Variants in YAP1 observed in about 807,000 individuals in gnomAD.
YAP1 encodes transcriptional coactivator YAP1.
In YAP1, 5 loss-of-function variants were observed where a neutral mutation model predicts 56.9. The ratio of observed to expected loss-of-function variants is 0.09; its 90% CI spans 0.05 to 0.18. The LOEUF (loss-of-function observed/expected upper bound fraction) is 0.18, where lower values mean the gene tolerates loss of function less well. Ranked by LOEUF, YAP1 falls within the 10% of genes least tolerant of loss-of-function variation. YAP1 has a pLI of 1.00. For missense variants in YAP1, 539 were observed against 651.8 expected (o/e 0.83, Z 1.88); for synonymous variants, 265 against 248.1 (o/e 1.07, Z -0.64).
At chr11:102,113,330 A>C (rs1384206833) in intron 1 of YAP1, among the ~76,000 whole-genome samples, 1 of 152,236 alleles carries the variant, frequency 6.6e-6, no homozygotes, top group Non-Finnish European at 1.5e-5. Flanking sequence ...CTATCATGAA[A>C]ACTATTTTAT....
chr11:102,156,956 G>A (rs183926417), intron 2 of YAP1, among the ~76,000 whole-genome samples: 113 of 152,208 alleles, frequency 7.4e-4, no homozygotes, highest in African/African-American at 2.6e-3. Flanking sequence ...TCATGCTTGC[G>A]GGCAAATGTT....
chr11:102,153,397 A>G (rs765864655), intron 2 of YAP1, among the ~76,000 whole-genome samples: 4 of 152,216 alleles, frequency 2.6e-5, no homozygotes, highest in African/African-American at 9.6e-5. Context: ...AAACTCTTAC[A>G]TGTATAGAAC....
chr11:102,140,541 G>C (rs1944955860), intron 2 of YAP1, among the ~76,000 whole-genome samples: 1 of 152,082 alleles, frequency 6.6e-6, no homozygotes, highest in South Asian at 2.1e-4. Context: ...AGATTACTAG[G>C]CCTTTTAAAA....
chr11:102,118,184 A>G (rs1943409221), intron 2 of YAP1, among the ~76,000 whole-genome samples: 1 of 152,226 alleles, frequency 6.6e-6, no homozygotes, highest in Admixed American at 6.5e-5. Flanking sequence ...TTGTTTTAAT[A>G]ATGTTCTAAT....
At chr11:102,150,625 G>A (rs868854754) in intron 2 of YAP1, among the ~76,000 whole-genome samples, 2 of 152,048 alleles carry the variant, frequency 1.3e-5, no homozygotes, top group Middle Eastern at 3.4e-3. Context: ...GCCCCCACAT[G>A]TCTATAGCAT....
At chr11:102,160,354 C>T (rs1251665392) in intron 2 of YAP1, among the ~76,000 whole-genome samples, 1 of 152,140 alleles carries the variant, frequency 6.6e-6, no homozygotes, top group Non-Finnish European at 1.5e-5. Context: ...AAACCACCAA[C>T]TTAAAGGTGT....
chr11:102,196,482 T>C (rs1948578134), intron 4 of YAP1, among the ~76,000 whole-genome samples: 1 of 152,192 alleles, frequency 6.6e-6, no homozygotes, highest in African/African-American at 2.4e-5. Context: ...ATATATTGCT[T>C]AATTCCATTT....
intron 2 of YAP1, among the ~76,000 whole-genome samples, chr11:102,122,684 A>G (rs1413507642): frequency 2.6e-5 from 4 of 152,062 alleles, no homozygotes; most frequent in African/African-American, 9.7e-5. Flanking sequence ...ACCTGAGGTC[A>G]GGAGTTTGAG....
At chr11:102,228,961 A>G (rs991363237) in intron 8 of YAP1, among the ~76,000 whole-genome samples, 5 of 152,208 alleles carry the variant, frequency 3.3e-5, no homozygotes, top group African/African-American at 1.2e-4. Context: ...AATCATCCTT[A>G]GGAGCCACTT....
chr11:102,223,191 T>C (rs1457998324), intron 6 of YAP1, among the ~76,000 whole-genome samples: 3 of 147,470 alleles, frequency 2.0e-5, no homozygotes, highest in African/African-American at 7.6e-5. Flanking sequence ...GAGGTTGCAG[T>C]GAGCCAAGAT....
chr11:102,133,358 C>T (rs934087459), intron 2 of YAP1, among the ~76,000 whole-genome samples: 11 of 152,150 alleles, frequency 7.2e-5, no homozygotes, highest in African/African-American at 1.4e-4. Flanking sequence ...AGTACAGTGG[C>T]GATGTCAGCT....
At chr11:102,196,395 T>C (rs892493562) in intron 4 of YAP1, among the ~76,000 whole-genome samples, 1 of 152,216 alleles carries the variant, frequency 6.6e-6, no homozygotes, top group African/African-American at 2.4e-5. Flanking sequence ...TTAAAGGGAA[T>C]GCAGTGCTTG....
chr11:102,135,739 A>G (rs974638819), intron 2 of YAP1, among the ~76,000 whole-genome samples: 2 of 152,224 alleles, frequency 1.3e-5, no homozygotes, highest in African/African-American at 4.8e-5. Context: ...AATAGTAAAA[A>G]AATTGGTGGT....
chr11:102,138,158 T>TA (rs751951738), intron 2 of YAP1, among the ~76,000 whole-genome samples: 1 of 152,266 alleles, frequency 6.6e-6, no homozygotes, highest in Non-Finnish European at 1.5e-5. Flanking sequence ...GTGCTGGAAT[T>TA]ATAGGCATGA....
chr11:102,213,674 C>T (rs1464269926), intron 6 of YAP1, among the ~76,000 whole-genome samples: 1 of 152,170 alleles, frequency 6.6e-6, no homozygotes, highest in Admixed American at 6.5e-5. Context: ...TTATTCTGCT[C>T]ACAAGCTTTT....
At chr11:102,168,201 A>G (rs1456799670) in intron 3 of YAP1, among the ~76,000 whole-genome samples, 1 of 152,200 alleles carries the variant, frequency 6.6e-6, no homozygotes, top group Admixed American at 6.5e-5. Context: ...GTGAAAAGTG[A>G]TACTTCCTTA....
intron 4 of YAP1, among the ~76,000 whole-genome samples, chr11:102,193,765 G>A (rs189938400): frequency 1.8e-4 from 28 of 151,900 alleles, no homozygotes; most frequent in African/African-American, 4.8e-4. Context: ...TGCCTTATTC[G>A]TGTTACTAAA....
chr11:102,161,294 C>T (rs1017123827), intron 2 of YAP1, among the ~76,000 whole-genome samples: 37 of 149,794 alleles, frequency 2.5e-4, no homozygotes, highest in Non-Finnish European at 2.7e-4. Context: ...GATCTCCTGA[C>T]CTTGTGATCT....
intron 3 of YAP1, among the ~76,000 whole-genome samples, chr11:102,183,885 G>A (rs970035233): frequency 2.6e-5 from 4 of 151,886 alleles, no homozygotes; most frequent in East Asian, 1.9e-4. Context: ...GACCATCCCG[G>A]CTAAAATGGT....
Sources: allele counts gnomAD v4.1 joint callset (sites outside exome capture counted in the v4.1 genomes callset), GRCh38; gene constraint gnomAD v4.1.1; transcripts MANE v1.5; gene names NCBI Gene and HGNC (gene_info 2026-07-23, HGNC 2026-07-21).